MAF: variants seen among roughly 807,000 people sequenced by gnomAD.
MAF encodes the protein MAF bZIP transcription factor.
MAF carries 10 observed loss-of-function variants against 22.0 expected under a neutral mutation model. The observed-to-expected ratio is 0.45, with a 90% CI of 0.28 to 0.77. The LOEUF (loss-of-function observed/expected upper bound fraction) is 0.77, where lower values mean the gene tolerates loss of function less well. Ranked by LOEUF, MAF falls within the 30% of genes least tolerant of loss-of-function variation. The pLI is 0.12. For missense variants in MAF, 544 were observed against 548.4 expected, an observed-to-expected ratio of 0.99 and a Z score of 0.08; for synonymous variants, 337 against 255.8, an observed-to-expected ratio of 1.32 and a Z score of -3.03.
the MAF span, among the ~76,000 whole-genome samples, chr16:79,304,232 G>C: frequency 3.9e-5 from 6 of 152,146 alleles, no homozygotes; most frequent in African/African-American, 1.2e-4. Context: ...TCCTTGCAGA[G>C]ACATCAATGT....
At chr16:79,351,787 G>A in the MAF span, among the ~76,000 whole-genome samples, 1 of 152,114 alleles carries the variant, frequency 6.6e-6, no homozygotes, top group African/African-American at 2.4e-5. Context: ...CAGAAGCCTG[G>A]AACGGCAGCC....
downstream of MAF, among the ~76,000 whole-genome samples, chr16:79,591,704 T>C (rs534869021): frequency 2.0e-5 from 3 of 152,278 alleles, no homozygotes; most frequent in East Asian, 5.8e-4. Context: ...TCAGCCTTTT[T>C]CCTTCGGGCA....
chr16:79,289,762 G>A, the MAF span, among the ~76,000 whole-genome samples: 2 of 152,016 alleles, frequency 1.3e-5, no homozygotes, highest in Non-Finnish European at 2.9e-5. Context: ...AACAGAGGGA[G>A]GGATGCATCC....
chr16:79,383,916 C>A, the MAF span, among the ~76,000 whole-genome samples: 1 of 152,106 alleles, frequency 6.6e-6, no homozygotes, highest in African/African-American at 2.4e-5. Context: ...AAACTTTTCC[C>A]CCCAAAAGTA....
chr16:79,442,487 T>C, the MAF span, among the ~76,000 whole-genome samples: 3 of 152,184 alleles, frequency 2.0e-5, no homozygotes, highest in African/African-American at 7.2e-5. Context: ...TCCTCCCACG[T>C]TGGCACCCCA....
chr16:79,235,535 T>TAA, the MAF span, among the ~76,000 whole-genome samples: 448 of 151,718 alleles, frequency 3.0e-3, 10 homozygotes, highest in Admixed American at 0.023. Context: ...ACACTGTCTC[T>TAA]AAAAAAAACC....
the MAF span, among the ~76,000 whole-genome samples, chr16:79,328,063 G>T: frequency 6.6e-6 from 1 of 152,322 alleles, no homozygotes; most frequent in East Asian, 1.9e-4. Flanking sequence ...CCTGTGAGTT[G>T]TAAGGATTAA....
chr16:79,242,795 TA>T, the MAF span, among the ~76,000 whole-genome samples: 1 of 151,978 alleles, frequency 6.6e-6, no homozygotes, highest in African/African-American at 2.4e-5. Flanking sequence ...ATTGACCACA[TA>T]ATTGGAAGTA....
chr16:79,505,416 G>A, the MAF span, among the ~76,000 whole-genome samples: 5 of 152,152 alleles, frequency 3.3e-5, no homozygotes, highest in Non-Finnish European at 7.3e-5. Flanking sequence ...TCACGGGACA[G>A]GGGGGAAGCT....
chr16:79,265,367 T>G, the MAF span, among the ~76,000 whole-genome samples: 1 of 152,154 alleles, frequency 6.6e-6, no homozygotes, highest in East Asian at 1.9e-4. Flanking sequence ...CCCCAATAGT[T>G]GGTTGTGGCA....
chr16:79,226,960 C>G, the MAF span, among the ~76,000 whole-genome samples: 4 of 152,006 alleles, frequency 2.6e-5, no homozygotes, highest in South Asian at 8.3e-4. Flanking sequence ...GTAAGTTTCC[C>G]AGGAACAGGA....
chr16:79,395,499 C>T, the MAF span, among the ~76,000 whole-genome samples: 2 of 151,998 alleles, frequency 1.3e-5, no homozygotes, highest in Non-Finnish European at 2.9e-5. Flanking sequence ...AATCTCAACA[C>T]AGAAGTCATG....
At chr16:79,420,326 G>A in the MAF span, among the ~76,000 whole-genome samples, 1 of 152,222 alleles carries the variant, frequency 6.6e-6, no homozygotes, top group African/African-American at 2.4e-5. Context: ...ACTCCAGGCA[G>A]CAGCGACGGC....
the MAF span, among the ~76,000 whole-genome samples, chr16:79,548,629 G>C: frequency 4.5e-3 from 689 of 152,286 alleles, 7 homozygotes; most frequent in African/African-American, 0.015. Context: ...GAAAACCCTT[G>C]TTTTATTTTG....
the MAF span, among the ~76,000 whole-genome samples, chr16:79,502,110 TC>T: frequency 6.6e-6 from 1 of 152,130 alleles, no homozygotes; most frequent in South Asian, 2.1e-4. Context: ...GTCATCTATT[TC>T]TCCCAGCCGA....
At chr16:79,522,138 G>T in the MAF span, among the ~76,000 whole-genome samples, 1 of 152,248 alleles carries the variant, frequency 6.6e-6, no homozygotes, top group South Asian at 2.1e-4. Context: ...ATTCAGAGGG[G>T]TTGAGCATCT....
chr16:79,231,214 G>A, the MAF span, among the ~76,000 whole-genome samples: 2 of 151,980 alleles, frequency 1.3e-5, no homozygotes, highest in Non-Finnish European at 2.9e-5. Flanking sequence ...GCTCTTATGG[G>A]ACAGGATATC....
the MAF span, among the ~76,000 whole-genome samples, chr16:79,557,165 T>C: frequency 9.0e-6 from 1 of 111,614 alleles, no homozygotes; most frequent in Admixed American, 1.0e-4. Flanking sequence ...TCAGCAAGTG[T>C]AGTTTTTTTT....
chr16:79,521,089 T>C, the MAF span, among the ~76,000 whole-genome samples: 1 of 152,166 alleles, frequency 6.6e-6, no homozygotes, highest in Non-Finnish European at 1.5e-5. Context: ...AATAAAATAA[T>C]GAAGTAAAGC....
Sources: allele counts gnomAD v4.1 joint callset (sites outside exome capture counted in the v4.1 genomes callset), GRCh38; gene constraint gnomAD v4.1.1; transcripts MANE v1.5; gene names NCBI Gene and HGNC (gene_info 2026-07-23, HGNC 2026-07-21).